PARP14: variants seen among roughly 807,000 people sequenced by gnomAD.
PARP14 encodes protein mono-ADP-ribosyltransferase PARP14.
A neutral mutation model predicts 154.2 loss-of-function variants in PARP14; 59 were observed. That is an observed-to-expected ratio of 0.38 (90% CI 0.31 to 0.48). The LOEUF (loss-of-function observed/expected upper bound fraction) is 0.48, where lower values mean the gene tolerates loss of function less well. Among genes scored for constraint, PARP14 ranks in the 20% least tolerant of loss-of-function variants. PARP14 has a pLI of 0.98. For synonymous variants in PARP14, 720 were observed against 780.5 expected (o/e 0.92, Z 1.29); for missense variants, 1,734 against 2,131.6 (o/e 0.81, Z 3.67).
chr3:122,715,655 G>A (rs368642854), intron 12 of PARP14, among the ~76,000 whole-genome samples: 3 of 101,544 alleles, frequency 3.0e-5, no homozygotes, highest in Non-Finnish European at 6.4e-5. Flanking sequence ...TCTATCTATC[G>A]ATCTGTCTAT....
intron 3 of PARP14, among the ~76,000 whole-genome samples, chr3:122,690,980 G>T (rs1475590715): frequency 2.0e-5 from 3 of 152,160 alleles, no homozygotes; most frequent in African/African-American, 7.2e-5. Flanking sequence ...AAGGGAGAAT[G>T]GGGTTTCATA....
rs575546844 is a variant in PARP14 at position 122,714,576 on chromosome 3, A to G, written c.4000+147A>G. On this transcript the variant is annotated intron_variant, in intron 12 of 16. Transcript: ENST00000474629. ...GTGGACAGCTTCCTCCCCATAAGAC[A>G]ACTCCCAAGGGAATGACAAAGCCTG... 264 of 516,696 alleles carry G rather than the reference A, an allele frequency of 5.1e-4. 4 individuals carry two copies. In the South Asian group the frequency reaches 9.0e-3, roughly 18 times the overall value. The allele number at this position is 516,696 out of a possible 1,614,324, so 32.0% of individuals were successfully genotyped here.
intron 14 of PARP14, among the ~76,000 whole-genome samples, chr3:122,719,825 T>C (rs373499724): frequency 1.3e-5 from 2 of 152,142 alleles, no homozygotes; most frequent in African/African-American, 2.4e-5. Context: ...CCTGTGGTGG[T>C]GATGGTGAGG....
intron 9 of PARP14, among the ~76,000 whole-genome samples, chr3:122,710,163 G>A (rs1939278758): frequency 6.6e-6 from 1 of 152,094 alleles, no homozygotes; most frequent in Admixed American, 6.5e-5. Context: ...TTTTTCCAAT[G>A]TTATCTTTTA....
In PARP14 at chr3:122,718,519, T is replaced by C. The variant is rs756568397; in HGVS notation, c.4368T>C (p.Pro1456=). The change falls in exon 14 of 17, where the codon CCT becomes CCC. Residue 1456 remains proline, a synonymous_variant. Coordinates refer to ENST00000474629, the MANE Select transcript of PARP14 (RefSeq NM_017554.3). ...ACCTGATTGAAAAAGAACAGTGTCCTTACACCAGTGAAGATGAGTGCATCA... is the reference window on the plus strand; with the variant it reads ...ACCTGATTGAAAAAGAACAGTGTCCCTACACCAGTGAAGATGAGTGCATCA... The part of the protein sequence containing the change: ...LQDLIEKEQC[P]YTSEDECIKD... 2 of 1,613,880 alleles carry C rather than the reference T, an allele frequency of 1.2e-6. No homozygotes were observed. The highest frequency in any genetic ancestry group is 1.7e-6 in the Non-Finnish European group (2 of 1,179,794).
intron 12 of PARP14, among the ~76,000 whole-genome samples, chr3:122,715,595 C>CATCTATCT (rs56863397): frequency 0.055 from 7,791 of 142,522 alleles, 229 homozygotes; most frequent in Admixed American, 0.072. Context: ...CTCTACCAGT[C>CATCTATCT]ATCTATCTAT....
At chr3:122,715,915 TTTCTGGACTCAA>T (rs1311544452) in intron 12 of PARP14, among the ~76,000 whole-genome samples, 16 of 152,206 alleles carry the variant, frequency 1.1e-4, no homozygotes, top group African/African-American at 3.9e-4. Flanking sequence ...CATTTGAGCA[TTTCTGGACTCAA>T]TTCTGGACTC....
chr3:122,692,960 C>T (rs995547081), intron 4 of PARP14, among the ~76,000 whole-genome samples: 3 of 152,182 alleles, frequency 2.0e-5, no homozygotes, highest in African/African-American at 7.2e-5. Context: ...TGATAACACA[C>T]TCTCATAGAG....
Position 122,692,999 on chromosome 3 carries a change from G to T in PARP14, c.598+456G>T, listed in dbSNP as rs116811826. Reference sequence around the variant, plus strand: ...TTACTATAAGCCAGGTGCTATGCCAGCCTCTTTACGTGTATTAATTTATTT... The same window carrying T: ...TTACTATAAGCCAGGTGCTATGCCATCCTCTTTACGTGTATTAATTTATTT... On this transcript the variant is annotated intron_variant, in intron 4 of 16. Transcript: ENST00000474629. Among the ~76,000 whole-genome samples the T allele has an allele frequency of 6.1e-3, 933 of 152,298 alleles. 9 individuals are homozygous for T. The highest frequency in any genetic ancestry group is 0.021 in the African/African-American group (888 of 41,552).
At chr3:122,721,307 G>GAACATACTCCCA (rs1933161197) in intron 15 of PARP14, 1 of 180,220 alleles carries the variant, frequency 5.5e-6, no homozygotes, top group Non-Finnish European at 1.2e-5. Flanking sequence ...CTCCACTTGA[G>GAACATACTCCCA]GCTGGGCACA....
rs1238465222 is a variant in PARP14, at chr3:122,701,505, A to G, written c.2951A>G (p.Asp984Gly). ...VKTVFKATLPDTAAPPGLPPA... is the reference protein window; with the variant it reads ...VKTVFKATLPGTAAPPGLPPA... ...ACTGTATTTAAAGCCACCCTGCCAG[A>G]TACAGCTGCCCCGCCAGGTTTACCA... Residue 984 changes from aspartate to glycine, a missense_variant, in exon 6 of 17, where the codon GAT becomes GGT. This residue lies in a region of PARP14 where 1,646 missense variants were observed against 1,976.0 expected (regional missense o/e 0.83). Transcript: ENST00000474629. The surrounding 1 kb of genome is among the most constrained non-coding windows in gnomAD (Gnocchi z 4.0). The G allele has an allele frequency of 6.2e-7, 1 of 1,613,466 alleles. No individual in the cohort carries two copies. Among genetic ancestry groups the G allele is most frequent in the Non-Finnish European group, 8.5e-7 (1 of 1,179,640 alleles).
chr3:122,722,989 G>T (rs1271859905), intron 15 of PARP14, among the ~76,000 whole-genome samples: 1 of 150,370 alleles, frequency 6.7e-6, no homozygotes, highest in Non-Finnish European at 1.5e-5. Flanking sequence ...AGGCTGGAGT[G>T]CAGTGGCGCG....
chr3:122,720,501 A>G, intron 15 of PARP14, 113 bp downstream of exon 15: 1 of 980,270 alleles, frequency 1.0e-6, no homozygotes, highest in Non-Finnish European at 1.6e-6. Context: ...ACCCAGAATT[A>G]GAATTTGTAT....
chr3:122,704,870 G>A (rs1939103087), intron 8 of PARP14, 122 bp downstream of exon 8: 3 of 621,320 alleles, frequency 4.8e-6, no homozygotes, highest in African/African-American at 3.7e-5. Context: ...TAAGAAGGTA[G>A]TTTATACTTG....
At position 122,700,663 on chromosome 3, in the gene PARP14, G is replaced by A. The variant is rs751908144; in HGVS notation, c.2109G>A (p.Gln703=). ...CAAAGATAAAGAAGGTAAATGTGCAGGTAAGTTTCAATCCTGAGAACAAAC... is the reference window on the plus strand; with the variant it reads ...CAAAGATAAAGAAGGTAAATGTGCAAGTAAGTTTCAATCCTGAGAACAAAC... ...FWPKIKKVNV[Q]VSFNPENKQK... The change falls in exon 6 of 17, where the codon CAG becomes CAA. Residue 703 remains glutamine, a synonymous_variant. Transcript: ENST00000474629. 36 of 1,608,236 alleles carry A rather than the reference G, an allele frequency of 2.2e-5. No homozygotes were observed. The highest frequency in any genetic ancestry group is 1.7e-4 in the Middle Eastern group (1 of 6,058).
At chr3:122,708,823 C>A (rs78010867) in intron 9 of PARP14, among the ~76,000 whole-genome samples, 1 of 151,864 alleles carries the variant, frequency 6.6e-6, no homozygotes, top group Non-Finnish European at 1.5e-5. Flanking sequence ...CCATGCCTAC[C>A]CCCCTCAATC....
Position 122,718,388 on chromosome 3 carries a change from C to CA in PARP14, c.4244dup (p.Asn1416GlufsTer19), listed in dbSNP as rs1205949740. 1 of 1,611,752 alleles carries CA rather than the reference C, an allele frequency of 6.2e-7. No homozygotes were observed. Among genetic ancestry groups the CA allele is most frequent in the Non-Finnish European group, 8.5e-7 (1 of 1,179,328 alleles). On this transcript the variant is annotated frameshift_variant, in exon 14 of 17. Transcript: ENST00000474629. LOFTEE classifies it high-confidence loss of function. ...TTTGGGCTTTTCAAAGCAATCTCCC[C>CA]AAAAAAAGAATCATTTGGTTTTGGA...
intron 2 of PARP14, 149 bp from the exon 3 acceptor site, chr3:122,686,931 G>C (rs1420681486): frequency 1.8e-6 from 1 of 565,636 alleles, no homozygotes; most frequent in Non-Finnish European, 3.1e-6. Flanking sequence ...CACTATATAT[G>C]GCCCCAGATG....
chr3:122,708,205 T>C lies in PARP14; in HGVS notation c.3556T>C (p.Phe1186Leu). The C allele has an allele frequency of 1.3e-6, 2 of 1,562,298 alleles. No homozygotes were observed. The highest frequency in any genetic ancestry group is 1.7e-6 in the Non-Finnish European group (2 of 1,147,842). ...HENIQAFSDEFARRANGNLVS... is the reference protein window; with the variant it reads ...HENIQAFSDELARRANGNLVS... ...TATATTTCAGGCATTTTCAGATGAA[T>C]TTGCCAGAAGGGCTAATGGAAATCT... Residue 1186 changes from phenylalanine to leucine, a missense_variant, in exon 9 of 17, where the codon TTT becomes CTT. Transcript: ENST00000474629.
Sources: gnomAD v4.1 joint callset for allele counts (sites outside exome capture counted in the v4.1 genomes callset) on GRCh38, gnomAD v4.1.1 for gene constraint, gnomAD v4.1.1 regional missense constraint, Gnocchi (gnomAD v3.1) non-coding constraint, MANE v1.5 for transcripts, NCBI Gene and HGNC (gene_info 2026-07-23, HGNC 2026-07-21) for gene names.